The following PTPRG variants were observed in gnomAD, a reference collection of about 807,000 sequenced individuals.
The protein encoded by PTPRG is receptor-type tyrosine-protein phosphatase gamma.
A neutral mutation model predicts 165.3 loss-of-function variants in PTPRG; 102 were observed. The observed-to-expected ratio is 0.62, with a 90% confidence interval of 0.53 to 0.73. PTPRG has a LOEUF of 0.73. Among genes scored for constraint, PTPRG ranks in the 30% least tolerant of loss-of-function variants. The pLI is 0.00. For synonymous variants in PTPRG, 675 were observed against 669.5 expected (o/e 1.01, Z -0.13); for missense variants, 1,866 against 1,861.4 (o/e 1.00, Z -0.05).
chr3:62,148,158 A>G (rs1275358616), intron 6 of PTPRG, among the ~76,000 whole-genome samples: 2 of 152,142 alleles, frequency 1.3e-5, no homozygotes, highest in Middle Eastern at 3.2e-3. Context: ...AAATAAATAA[A>G]TAACAGAGAA....
chr3:61,707,886 T>C (rs2031343312), intron 1 of PTPRG, among the ~76,000 whole-genome samples: 1 of 152,164 alleles, frequency 6.6e-6, no homozygotes, highest in Non-Finnish European at 1.5e-5. Context: ...CCTCCCTGTT[T>C]CAAGCAATTC....
chr3:61,962,726 T>G (rs2189694), intron 2 of PTPRG, among the ~76,000 whole-genome samples: 20,692 of 152,186 alleles, frequency 0.14, 2,146 homozygotes, highest in African/African-American at 0.29. Context: ...ATAGTAAGCA[T>G]TTTTTGAATG....
At chr3:62,187,529 A>C (rs1699693385) in intron 8 of PTPRG, among the ~76,000 whole-genome samples, 1 of 152,248 alleles carries the variant, frequency 6.6e-6, no homozygotes, top group Non-Finnish European at 1.5e-5. Context: ...GCTGGAGCAC[A>C]GCCACACTCA....
rs768351844 is a variant in PTPRG, at chr3:62,231,240, A to G, written c.2304A>G (p.Ile768Met). The G allele has an allele frequency of 1.9e-6, 3 of 1,576,658 alleles. No homozygotes were observed. Among genetic ancestry groups the G allele is most frequent in the Non-Finnish European group, 2.6e-6 (3 of 1,161,476 alleles). Residue 768 changes from isoleucine (I) to methionine (M), a missense_variant, in exon 14 of 30, where the codon ATA becomes ATG. Ile to Met is a conservative substitution (Grantham distance 10, BLOSUM62 1). Transcript: ENST00000474889. Reference sequence around the variant, plus strand: ...GTCCATTTAGAGGGTGTAACAAAATAAAGTCCAAGGGCTTTCCCAGACGTT... The same window carrying G: ...GTCCATTTAGAGGGTGTAACAAAATGAAGTCCAAGGGCTTTCCCAGACGTT... ...VLVYWRGCNK[I>M]KSKGFPRRFR...
intron 4 of PTPRG, among the ~76,000 whole-genome samples, chr3:62,020,781 A>C (rs1188095418): frequency 6.6e-6 from 1 of 151,220 alleles, no homozygotes; most frequent in Non-Finnish European, 1.5e-5. Context: ...GTGGCACATC[A>C]CAGCTCACTG....
intron 1 of PTPRG, among the ~76,000 whole-genome samples, chr3:61,671,232 G>C (rs1702974958): frequency 6.6e-6 from 1 of 150,478 alleles, no homozygotes. Flanking sequence ...GGGAAGGTCA[G>C]CAGATAAACA....
chr3:62,257,852 AGAGGCT>A (rs1048733257), intron 16 of PTPRG, among the ~76,000 whole-genome samples: 4 of 152,096 alleles, frequency 2.6e-5, no homozygotes, highest in African/African-American at 7.2e-5. Context: ...CTAGCTATTC[AGAGGCT>A]GAGGCTGAGG....
Position 62,186,118 on chromosome 3 carries a change from C to G in PTPRG, c.1034-5351C>G, listed in dbSNP as rs748477725. Among the ~76,000 whole-genome samples, 68 of 152,208 alleles carry G rather than the reference C, an allele frequency of 4.5e-4. 1 individual carries two copies. The highest frequency in any genetic ancestry group is 2.0e-4 in the Admixed American group (3 of 15,286). On this transcript the variant is annotated intron_variant, in intron 8 of 29. Transcript: ENST00000474889. ...TGAGTTATTTGACGGGTGTCTGGTA[C>G]TATCGTTGCCCCAGTCGCCAAGCAT...
intron 1 of PTPRG, among the ~76,000 whole-genome samples, chr3:61,626,702 C>G (rs1310034286): frequency 1.3e-5 from 2 of 152,172 alleles, no homozygotes; most frequent in East Asian, 3.9e-4. Context: ...GGGGCAGGTG[C>G]TCAACTTCCC....
intron 1 of PTPRG, among the ~76,000 whole-genome samples, chr3:61,740,661 G>T (rs2032940699): frequency 6.6e-6 from 1 of 151,040 alleles, no homozygotes; most frequent in African/African-American, 2.4e-5. Context: ...TTTTTTTTCT[G>T]TTTGTTTTTC....
chr3:61,587,300 A>C (rs1700455661), intron 1 of PTPRG, among the ~76,000 whole-genome samples: 1 of 152,242 alleles, frequency 6.6e-6, no homozygotes, highest in South Asian at 2.1e-4. Flanking sequence ...AATTGTACAA[A>C]GGATTTCTGT....
chr3:61,727,041 C>T (rs1411078273), intron 1 of PTPRG, among the ~76,000 whole-genome samples: 8 of 132,946 alleles, frequency 6.0e-5, no homozygotes, highest in African/African-American at 8.7e-5. Context: ...AGTGAGACTC[C>T]GTCTCAAAAA....
chr3:61,565,521 C>T lies in PTPRG; in HGVS notation c.85+3149C>T, dbSNP rs138185325. Among the ~76,000 whole-genome samples, 515 of 152,172 alleles carry T rather than the reference C, an allele frequency of 3.4e-3. 3 individuals carry two copies. Among genetic ancestry groups the T allele is most frequent in the South Asian group, 0.013 (61 of 4,804 alleles). ...AAACTCTGATACATATCTCCAATCA[C>T]TGGGAATTTAATTGCCTCTGACACA... On this transcript the variant is annotated intron_variant, in intron 1 of 29. Transcript: ENST00000474889.
chr3:61,738,150 G>A (rs1158114551), intron 1 of PTPRG, among the ~76,000 whole-genome samples: 2 of 148,680 alleles, frequency 1.3e-5, no homozygotes, highest in Non-Finnish European at 3.0e-5. Flanking sequence ...CACCCGCCTC[G>A]GCCTCCCAAA....
At chr3:61,822,551 A>T (rs73086094) in intron 2 of PTPRG, among the ~76,000 whole-genome samples, 12,548 of 152,248 alleles carry the variant, frequency 0.082, 706 homozygotes, top group South Asian at 0.16. Flanking sequence ...CCTCAGAGGG[A>T]TCTTTCCTGT....
chr3:61,735,874 G>T (rs1477125825), intron 1 of PTPRG, among the ~76,000 whole-genome samples: 1 of 150,896 alleles, frequency 6.6e-6, no homozygotes, highest in Admixed American at 6.6e-5. Flanking sequence ...CAGAGTTGAG[G>T]TTGAGGCCAT....
At chr3:61,577,680 C>T (rs1164815705) in intron 1 of PTPRG, among the ~76,000 whole-genome samples, 3 of 152,156 alleles carry the variant, frequency 2.0e-5, no homozygotes, top group Non-Finnish European at 4.4e-5. Flanking sequence ...TTGTAGCTCG[C>T]ATTGTATTTT....
chr3:62,001,250 G>A (rs1257958800), intron 3 of PTPRG, among the ~76,000 whole-genome samples: 2 of 152,178 alleles, frequency 1.3e-5, no homozygotes, highest in African/African-American at 4.8e-5. Flanking sequence ...GAGAAACACT[G>A]TAAAATGAAA....
chr3:61,662,873 G>A (rs532436770), intron 1 of PTPRG, among the ~76,000 whole-genome samples: 12 of 152,308 alleles, frequency 7.9e-5, no homozygotes, highest in South Asian at 2.1e-4. Context: ...GTCGGTCTGC[G>A]GAAATGCAGG....
Sources: gnomAD v4.1 joint callset for allele counts (sites outside exome capture counted in the v4.1 genomes callset) on GRCh38, gnomAD v4.1.1 for gene constraint, MANE v1.5 for transcripts, NCBI Gene and HGNC (gene_info 2026-07-23, HGNC 2026-07-21) for gene names.